SEC14L5: variants seen among roughly 807,000 people sequenced by gnomAD.
SEC14L5 encodes the protein SEC14 like lipid binding 5, also known as SEC14-like protein 5.
In SEC14L5, 96 loss-of-function variants were observed where a neutral mutation model predicts 84.6. The ratio of observed to expected loss-of-function variants is 1.13; its 90% CI spans 0.96 to 1.34. The LOEUF is 1.34. Among genes scored for constraint, SEC14L5 ranks in the 40% most tolerant of loss-of-function variants. SEC14L5 has a pLI of 0.00. For missense variants in SEC14L5, 1,224 were observed against 942.5 expected, an observed-to-expected ratio of 1.30 and a Z score of -3.91; for synonymous variants, 546 against 383.4, an observed-to-expected ratio of 1.42 and a Z score of -4.95.
At position 5,018,237 on chromosome 16, in the gene SEC14L5, C is replaced by T. The variant is rs1567134033; in HGVS notation, c.*3267C>T. The T allele has an allele frequency of 6.6e-6, 1 of 152,250 alleles. No individual in the cohort carries two copies. Among genetic ancestry groups the T allele is most frequent in the Non-Finnish European group, 1.5e-5 (1 of 68,042 alleles). The allele number at this position is 152,250 out of a possible 1,614,324, so 9.4% of individuals were successfully genotyped here. The stretch of plus-strand genomic sequence containing the variant: ...TTAATGTCAGTGGTCATTCTGATTA[C>T]TTAATGCTTCGCATCCAAAGACTCG... On this transcript the variant is annotated 3_prime_UTR_variant, in exon 16 of 16. Transcript: ENST00000251170.
At chr16:4,996,227 G>A in intron 6 of SEC14L5, 121 bp from the exon 7 acceptor site, 1 of 631,966 alleles carries the variant, frequency 1.6e-6, no homozygotes, top group Non-Finnish European at 2.9e-6. Flanking sequence ...CGGGGGCTTA[G>A]CCTGGTTTGG....
In SEC14L5 at chr16:5,008,429, G is replaced by A; in HGVS notation, c.1581G>A (p.Val527=). 1 of 1,612,002 alleles carries A rather than the reference G, an allele frequency of 6.2e-7. No individual in the cohort carries two copies. Among genetic ancestry groups the A allele is most frequent in the South Asian group, 1.1e-5 (1 of 90,958 alleles). The change falls in exon 14 of 16, where the codon GTG becomes GTA. Residue 527 remains valine, a synonymous_variant. Coordinates refer to ENST00000251170, the MANE Select transcript of SEC14L5 (RefSeq NM_014692.2). The part of the protein sequence containing the change: ...VLRGAPHEVA[V]EILEGESVIT... ...CGCCTGTCTCCACACAGGTGGCCGTGGAGATCCTGGAAGGAGAGTCGGTCA... is the reference window on the plus strand; with the variant it reads ...CGCCTGTCTCCACACAGGTGGCCGTAGAGATCCTGGAAGGAGAGTCGGTCA...
In SEC14L5 at chr16:5,018,001, C is replaced by G. The variant is rs1399308431; in HGVS notation, c.*3031C>G. ...AGCATTACTGTTGGTGTTTGGGCAC[C>G]TGGGCCTTGAATTTAGGCCAGGACT... is the stretch of plus-strand genomic sequence containing the variant. On this transcript the variant is annotated 3_prime_UTR_variant, in exon 16 of 16. Coordinates refer to ENST00000251170, the MANE Select transcript of SEC14L5 (RefSeq NM_014692.2). 1 of 152,230 alleles carries G rather than the reference C, an allele frequency of 6.6e-6. No individual in the cohort carries two copies. The highest frequency in any genetic ancestry group is 1.5e-5 in the Non-Finnish European group (1 of 68,062). 9.4% of individuals were successfully genotyped at this position (152,230 alleles called of 1,614,324 possible). A position where few individuals can be genotyped will look rare whatever the true frequency, so the allele number is the denominator to read the frequency against.
chr16:5,018,152 G>C lies in SEC14L5; in HGVS notation c.*3182G>C, dbSNP rs1005695414. 1.3e-5 allele frequency: 2 copies of C among 152,258 alleles called. No homozygotes were observed. The highest frequency in any genetic ancestry group is 4.8e-5 in the African/African-American group (2 of 41,468). 9.4% of individuals were successfully genotyped at this position (152,258 alleles called of 1,614,324 possible). Reference sequence around the variant, plus strand: ...CTACCTCAATAGGTTGTAGTGGGACGAAATGAGGGAGTAGCTGTAAAGCTT... The same window carrying C: ...CTACCTCAATAGGTTGTAGTGGGACCAAATGAGGGAGTAGCTGTAAAGCTT... On this transcript the variant is annotated 3_prime_UTR_variant, in exon 16 of 16. Coordinates refer to ENST00000251170, the MANE Select transcript of SEC14L5 (RefSeq NM_014692.2).
chr16:4,999,463 C>T (rs544198388), intron 8 of SEC14L5, among the ~76,000 whole-genome samples: 1 of 151,738 alleles, frequency 6.6e-6, no homozygotes, highest in South Asian at 2.1e-4. Flanking sequence ...ACAAAAAATA[C>T]AAAAAAATTA....
chr16:5,014,244 G>A (rs752315052), intron 15 of SEC14L5, among the ~76,000 whole-genome samples: 9 of 152,208 alleles, frequency 5.9e-5, no homozygotes, highest in Non-Finnish European at 7.3e-5. Flanking sequence ...TGTACAGCAC[G>A]TTCATCGCAG....
At chr16:5,003,598 ACT>A (rs1955700627) in intron 11 of SEC14L5, 25 bp downstream of exon 11, 1 of 442,236 alleles carries the variant, frequency 2.3e-6, no homozygotes, top group Non-Finnish European at 3.5e-6. Context: ...CTGGGCCAGG[ACT>A]CTCCCTGGGG....
chr16:4,959,466 C>A, intron 2 of SEC14L5, 80 bp downstream of exon 2: 2 of 1,161,432 alleles, frequency 1.7e-6, no homozygotes, highest in African/African-American at 1.5e-5. Flanking sequence ...GAAGACGGAG[C>A]TCCTTAGACT....
Position 5,000,924 on chromosome 16 carries a change from A to G in SEC14L5, c.1129A>G (p.Ser377Gly), listed in dbSNP as rs776856384. The change falls in exon 10 of 16, where the codon AGC becomes GGC. Residue 377 changes from serine to glycine, a missense_variant and splice_region_variant. Ser to Gly is a moderately conservative substitution (Grantham distance 56, BLOSUM62 0). Transcript: ENST00000251170. The part of the protein sequence containing the change: ...GSTRQLGRPI[S>G]SWTCLLDLEG... ...CACAAGGCAGCTGGGCCGTCCCATCAGGCAAACACCTGGGCTGGGCACAAA... is the reference window on the plus strand; with the variant it reads ...CACAAGGCAGCTGGGCCGTCCCATCGGGCAAACACCTGGGCTGGGCACAAA... The G allele has an allele frequency of 6.2e-7, 1 of 1,604,662 alleles. No homozygotes were observed. The highest frequency in any genetic ancestry group is 8.5e-7 in the Non-Finnish European group (1 of 1,175,610).
At chr16:4,991,030 G>A in intron 5 of SEC14L5, 135 bp downstream of exon 5, 1 of 601,718 alleles carries the variant, frequency 1.7e-6, no homozygotes, top group Middle Eastern at 4.1e-4. Context: ...CTCTAGTAAT[G>A]ACCAAATCAC....
At chr16:5,005,251 C>T (rs1955717493) in intron 11 of SEC14L5, among the ~76,000 whole-genome samples, 2 of 151,882 alleles carry the variant, frequency 1.3e-5, no homozygotes, top group Admixed American at 6.6e-5. Flanking sequence ...GGAGGTGCAG[C>T]TTGCAGTGAG....
chr16:4,978,747 C>T (rs184254918), intron 2 of SEC14L5, among the ~76,000 whole-genome samples: 138 of 151,622 alleles, frequency 9.1e-4, no homozygotes, highest in Non-Finnish European at 1.4e-3. Context: ...GAACTACAGG[C>T]GCCTGCCACC....
rs544992024 is a variant in SEC14L5, at chr16:4,964,664, G to A, written c.63+5278G>A. Among the ~76,000 whole-genome samples, 680 of 151,980 alleles carry A rather than the reference G, an allele frequency of 4.5e-3. 7 individuals are homozygous for A. The highest frequency in any genetic ancestry group is 0.015 in the African/African-American group (641 of 41,460). ...TCCCCAATTCTTCTTCTTCACTCCC[G>A]ACCTCAGGTGATCTTCCTGCTTCGG... On this transcript the variant is annotated intron_variant, in intron 2 of 15. Coordinates refer to ENST00000251170, the MANE Select transcript of SEC14L5 (RefSeq NM_014692.2).
chr16:4,980,706 G>T (rs1316877170), intron 2 of SEC14L5, among the ~76,000 whole-genome samples: 2 of 152,152 alleles, frequency 1.3e-5, no homozygotes, highest in African/African-American at 2.4e-5. Context: ...CGCTTTCAAA[G>T]AAATAAAATG....
chr16:5,014,372 G>A (rs1345589148), intron 15 of SEC14L5, among the ~76,000 whole-genome samples: 1 of 152,226 alleles, frequency 6.6e-6, no homozygotes, highest in East Asian at 1.9e-4. Flanking sequence ...AGCATAGTGA[G>A]AGCCCCGTCT....
At chr16:4,975,817 G>A (rs961756842) in intron 2 of SEC14L5, among the ~76,000 whole-genome samples, 1 of 152,260 alleles carries the variant, frequency 6.6e-6, no homozygotes, top group Middle Eastern at 3.4e-3. Context: ...TATGACAGGC[G>A]ATGGGGGCAC....
At chr16:4,974,082 G>A (rs1955311274) in intron 2 of SEC14L5, among the ~76,000 whole-genome samples, 1 of 152,150 alleles carries the variant, frequency 6.6e-6, no homozygotes, top group Non-Finnish European at 1.5e-5. Flanking sequence ...TGGGGTGGCA[G>A]GGGAGGGGGC....
chr16:5,007,575 A>G, intron 13 of SEC14L5, 89 bp downstream of exon 13: 1 of 851,732 alleles, frequency 1.2e-6, no homozygotes, highest in African/African-American at 1.8e-5. Context: ...TGAGATGAGG[A>G]TTCTTTTTTC....
At chr16:5,003,189 C>T (rs1264639499) in intron 10 of SEC14L5, among the ~76,000 whole-genome samples, 1 of 152,252 alleles carries the variant, frequency 6.6e-6, no homozygotes, top group South Asian at 2.1e-4. Flanking sequence ...ACCTAAGGCT[C>T]TCAGGGGTGC....
Sources: allele counts gnomAD v4.1 joint callset (sites outside exome capture counted in the v4.1 genomes callset), GRCh38; gene constraint gnomAD v4.1.1; transcripts MANE v1.5; gene names NCBI Gene and HGNC (gene_info 2026-07-23, HGNC 2026-07-21).